The following XYLT2 variants were observed in gnomAD, a reference collection of about 807,000 sequenced individuals.
XYLT2 encodes UDP-D-xylose:proteoglycan core protein beta-D-xylosyltransferase.
In XYLT2, 37 loss-of-function variants were observed where a neutral mutation model predicts 82.6. That is an observed-to-expected ratio of 0.45 (90% CI 0.34 to 0.59). XYLT2 has a LOEUF of 0.59. Among genes scored for constraint, XYLT2 ranks in the 20% least tolerant of loss-of-function variants. The pLI is 0.01. For synonymous variants in XYLT2, 474 were observed against 499.0 expected, an observed-to-expected ratio of 0.95 and a Z score of 0.67; for missense variants, 934 against 1,181.3, an observed-to-expected ratio of 0.79 and a Z score of 3.07.
At position 50,360,441 on chromosome 17, in the gene XYLT2, A is replaced by G; in HGVS notation, c.*150A>G. 1 of 1,427,790 alleles carries G rather than the reference A, an allele frequency of 7.0e-7. No individual in the cohort carries two copies. Among genetic ancestry groups the G allele is most frequent in the Non-Finnish European group, 9.1e-7 (1 of 1,094,938 alleles). The allele number at this position is 1,427,790 out of a possible 1,614,324, so 88.4% of individuals were successfully genotyped here. A position where few individuals can be genotyped will look rare whatever the true frequency, so the allele number is the denominator to read the frequency against. On this transcript the variant is annotated 3_prime_UTR_variant, in exon 11 of 11. Transcript: ENST00000017003. ...CCCACACAGACGGCAGGGAAGGTGG[A>G]CACAGTATGAACTACTGCTGATGTC...
Position 50,346,520 on chromosome 17 carries a change from G to T in XYLT2, c.135+245G>T, listed in dbSNP as rs1912049535. 1 of 877,170 alleles carries T rather than the reference G, an allele frequency of 1.1e-6. No homozygotes were observed. The highest frequency in any genetic ancestry group is 1.8e-5 in the African/African-American group (1 of 55,336). 54.3% of individuals were successfully genotyped at this position (877,170 alleles called of 1,614,324 possible). A position where few individuals can be genotyped will look rare whatever the true frequency, so the allele number is the denominator to read the frequency against. On this transcript the variant is annotated intron_variant, in intron 1 of 10. Coordinates refer to ENST00000017003, the MANE Select transcript of XYLT2 (RefSeq NM_022167.4). This position sits in a 1 kb window ranked among gnomAD's most constrained non-coding sequence, Gnocchi z 5.1. ...GGCCCTGGTGGATTGGGAGTCGGGC[G>T]GGGGGAGCAGGTCATGCTAGGGTGG...
intron 9 of XYLT2, 133 bp downstream of exon 9, chr17:50,357,385 C>A: frequency 1.1e-6 from 1 of 892,930 alleles, no homozygotes; most frequent in Non-Finnish European, 1.6e-6. Context: ...TGCCCCCATG[C>A]AGACATCCTG....
At chr17:50,354,174 A>G (rs1394336113) in intron 2 of XYLT2, 52 bp downstream of exon 2, 2 of 1,595,982 alleles carry the variant, frequency 1.3e-6, no homozygotes, top group Non-Finnish European at 1.7e-6. Flanking sequence ...GGGGGGTGGC[A>G]TGGCCCGGAT....
intron 1 of XYLT2, among the ~76,000 whole-genome samples, chr17:50,349,754 G>A (rs1045067339): frequency 1.3e-5 from 2 of 152,128 alleles, no homozygotes; most frequent in Admixed American, 1.3e-4. Flanking sequence ...TGGGTAGGTT[G>A]GGGGAAGTCC....
rs768635897 is a variant in XYLT2, at chr17:50,357,267, C to T, written c.1941+15C>T. 1 of 1,558,072 alleles carries T rather than the reference C, an allele frequency of 6.4e-7. No individual in the cohort carries two copies. Among genetic ancestry groups the T allele is most frequent in the Non-Finnish European group, 8.7e-7 (1 of 1,154,750 alleles). ...AGAGTCTGGAGGTGGGACAGGTCCC[C>T]CACTTGCTTTCTCCCAACCCCCACC... is the stretch of plus-strand genomic sequence containing the variant. On this transcript the variant is annotated intron_variant, in intron 9 of 10. Coordinates refer to ENST00000017003, the MANE Select transcript of XYLT2 (RefSeq NM_022167.4).
In XYLT2 at chr17:50,346,797, G is replaced by A. The variant is rs1912062484; in HGVS notation, c.135+522G>A. 1.0e-6 allele frequency: 1 copy of A among 985,394 alleles called. No individual in the cohort carries two copies. 61.0% of individuals were successfully genotyped at this position (985,394 alleles called of 1,614,324 possible). A position where few individuals can be genotyped will look rare whatever the true frequency, so the allele number is the denominator to read the frequency against. On this transcript the variant is annotated intron_variant, in intron 1 of 10. Transcript: ENST00000017003. The surrounding 1 kb of genome is among the most constrained non-coding windows in gnomAD (Gnocchi z 5.1). ...GTGGAATTCAGGCCTGGGACAAAGT[G>A]TGTACCCGGGAACTGAAGGAACAGG...
rs1257533775 is a variant in XYLT2 at position 50,346,588 on chromosome 17, G to T, written c.135+313G>T. ...GATGAAGGTCAGGCGCGGCGAGCGGGGCTGGGAGGCGGGGCTGGGCCCGAA... is the reference window on the plus strand; with the variant it reads ...GATGAAGGTCAGGCGCGGCGAGCGGTGCTGGGAGGCGGGGCTGGGCCCGAA... On this transcript the variant is annotated intron_variant, in intron 1 of 10. Coordinates refer to ENST00000017003, the MANE Select transcript of XYLT2 (RefSeq NM_022167.4). This position sits in a 1 kb window ranked among gnomAD's most constrained non-coding sequence, Gnocchi z 5.1. The T allele has an allele frequency of 1.0e-6, 1 of 983,536 alleles. No individual in the cohort carries two copies. Among genetic ancestry groups the T allele is most frequent in the African/African-American group, 1.7e-5 (1 of 57,234 alleles). The allele number at this position is 983,536 out of a possible 1,614,324, so 60.9% of individuals were successfully genotyped here.
chr17:50,353,671 G>C lies in XYLT2; in HGVS notation c.177G>C (p.Glu59Asp). ...AGCCACGGCCACTGGACCCTGGCGAGGGTTCCAAGGACACAGACAGTTCAG... is the reference window on the plus strand; with the variant it reads ...AGCCACGGCCACTGGACCCTGGCGACGGTTCCAAGGACACAGACAGTTCAG... ...QRKPRPLDPGEGSKDTDSSAG... is the reference protein window; with the variant it reads ...QRKPRPLDPGDGSKDTDSSAG... Residue 59 changes from glutamate to aspartate, a missense_variant, in exon 2 of 11, where the codon GAG becomes GAC. Transcript: ENST00000017003. The C allele has an allele frequency of 6.4e-7, 1 of 1,566,558 alleles. No homozygotes were observed. Among genetic ancestry groups the C allele is most frequent in the Non-Finnish European group, 8.7e-7 (1 of 1,154,598 alleles).
Position 50,355,532 on chromosome 17 carries a change from A to C in XYLT2, c.1039A>C (p.Lys347Gln), listed in dbSNP as rs769191195. 5 of 1,614,148 alleles carry C rather than the reference A, an allele frequency of 3.1e-6. No individual in the cohort carries two copies. In the South Asian group the frequency reaches 5.5e-5, roughly 18 times the overall value. ...TNEELVAFLSKNRDKNFLKSH... is the reference protein window; with the variant it reads ...TNEELVAFLSQNRDKNFLKSH... ...TGAGGAGCTGGTGGCATTCCTATCC[A>C]AGAACCGGGACAAGAATTTCCTCAA... Residue 347 changes from lysine to glutamine, a missense_variant, in exon 5 of 11, where the codon AAG becomes CAG. Lys to Gln is a moderately conservative substitution (Grantham distance 53). This residue lies in a region of XYLT2 where 189 missense variants were observed against 320.8 expected (regional missense o/e 0.59). Coordinates refer to ENST00000017003, the MANE Select transcript of XYLT2 (RefSeq NM_022167.4).
chr17:50,357,243 G>C lies in XYLT2; in HGVS notation c.1932G>C (p.Gln644His). The change falls in exon 9 of 11, where the codon CAG (glutamine) becomes CAC (histidine). Residue 644 changes from glutamine to histidine, a missense_variant. Coordinates refer to ENST00000017003, the MANE Select transcript of XYLT2 (RefSeq NM_022167.4). ...GCAGTGACCAGGCCAGCCGGCTCCA[G>C]AGTCTGGAGGTGGGACAGGTCCCCC... is the stretch of plus-strand genomic sequence containing the variant. ...LGRSDQASRL[Q>H]SLEVGTDWDP... 2 of 1,590,764 alleles carry C rather than the reference G, an allele frequency of 1.3e-6. No individual in the cohort carries two copies. Among genetic ancestry groups the C allele is most frequent in the Non-Finnish European group, 8.5e-7 (1 of 1,170,886 alleles).
chr17:50,358,475 C>T lies in XYLT2; in HGVS notation c.2210C>T (p.Pro737Leu), dbSNP rs747214258. The T allele has an allele frequency of 8.1e-6, 13 of 1,614,210 alleles. No homozygotes were observed. Among genetic ancestry groups the T allele is most frequent in the East Asian group, 2.2e-5 (1 of 44,886 alleles). The stretch of plus-strand genomic sequence containing the variant: ...GTTCGACTCCTTCAGTTCTGGGAAC[C>T]GCTGGGTGAGACCCGCTTCCTTGTG... Reference protein sequence around the residue: ...WTVRLLQFWEPLGETRFLVLP... With the variant: ...WTVRLLQFWELLGETRFLVLP... Residue 737 changes from proline (P) to leucine (L), a missense_variant, in exon 10 of 11, where the codon CCG becomes CTG. Physicochemically the swap from Pro to Leu is moderately conservative, Grantham distance 98. Transcript: ENST00000017003.
chr17:50,360,472 T>C lies in XYLT2; in HGVS notation c.*181T>C. ...TATGAACTACTGCTGATGTCTCTGT[T>C]GGGGATCAGAGGGCTGGCGGGAACG... On this transcript the variant is annotated 3_prime_UTR_variant, in exon 11 of 11. Coordinates refer to ENST00000017003, the MANE Select transcript of XYLT2 (RefSeq NM_022167.4). 7.4e-7 allele frequency: 1 copy of C among 1,345,976 alleles called. No individual in the cohort carries two copies. The highest frequency in any genetic ancestry group is 9.5e-7 in the Non-Finnish European group (1 of 1,052,430). 83.4% of individuals were successfully genotyped at this position (1,345,976 alleles called of 1,614,324 possible). A position where few individuals can be genotyped will look rare whatever the true frequency, so the allele number is the denominator to read the frequency against.
At chr17:50,356,867 C>A in intron 8 of XYLT2, 94 bp downstream of exon 8, 1 of 1,514,478 alleles carries the variant, frequency 6.6e-7, no homozygotes, top group South Asian at 1.3e-5. Context: ...CACAACAAGG[C>A]CCCAGTCTGA....
rs952750226 is a variant in XYLT2, at chr17:50,361,120, T to C, written c.*829T>C. The C allele has an allele frequency of 9.1e-6, 9 of 985,802 alleles. No homozygotes were observed. The African/African-American group carries it at 1.0e-4, about 11-fold the overall frequency. 61.1% of individuals were successfully genotyped at this position (985,802 alleles called of 1,614,324 possible). A position where few individuals can be genotyped will look rare whatever the true frequency, so the allele number is the denominator to read the frequency against. On this transcript the variant is annotated 3_prime_UTR_variant, in exon 11 of 11. Coordinates refer to ENST00000017003, the MANE Select transcript of XYLT2 (RefSeq NM_022167.4). ...GAAGCTCAGCGTGAAGTCTGAAATA[T>C]GCAACAGAAGAAATATATCTCTATC...
rs749023910 is a variant in XYLT2 at position 50,360,236 on chromosome 17, C to T, written c.2543C>T (p.Ser848Phe). 3.7e-6 allele frequency: 6 copies of T among 1,613,076 alleles called. No individual in the cohort carries two copies. Among genetic ancestry groups the T allele is most frequent in the Non-Finnish European group, 5.1e-6 (6 of 1,179,494 alleles). The change falls in exon 11 of 11, where the codon TCC becomes TTC. Residue 848 changes from serine to phenylalanine, a missense_variant. By Grantham distance (155) the Ser-to-Phe change is radical. This residue lies in a region of XYLT2 where 374 missense variants were observed against 465.6 expected (regional missense o/e 0.80). Transcript: ENST00000017003. ...AGACTGACCAGCTGGAGCTCTCTGTCCCCCGACCCCAAATCAGAGCTGGGG... is the reference window on the plus strand; with the variant it reads ...AGACTGACCAGCTGGAGCTCTCTGTTCCCCGACCCCAAATCAGAGCTGGGG... Reference protein sequence around the residue: ...PCRLTSWSSLSPDPKSELGPV... With the variant: ...PCRLTSWSSLFPDPKSELGPV...
chr17:50,361,066 T>G lies in XYLT2; in HGVS notation c.*775T>G, dbSNP rs1049939644. 2 of 985,780 alleles carry G rather than the reference T, an allele frequency of 2.0e-6. No individual in the cohort carries two copies. The highest frequency in any genetic ancestry group is 2.4e-6 in the Non-Finnish European group (2 of 829,966). 61.1% of individuals were successfully genotyped at this position (985,780 alleles called of 1,614,324 possible). A position where few individuals can be genotyped will look rare whatever the true frequency, so the allele number is the denominator to read the frequency against. On this transcript the variant is annotated 3_prime_UTR_variant, in exon 11 of 11. Coordinates refer to ENST00000017003, the MANE Select transcript of XYLT2 (RefSeq NM_022167.4). ...CGTGGGAAGAAGACTCTGTCAAGACTCTCAGAAGAACCTGGAGTAATTGTG... is the reference window on the plus strand; with the variant it reads ...CGTGGGAAGAAGACTCTGTCAAGACGCTCAGAAGAACCTGGAGTAATTGTG...
At chr17:50,354,796 G>C (rs1912440007) in intron 3 of XYLT2, 58 bp from the exon 4 acceptor site, 1 of 1,601,060 alleles carries the variant, frequency 6.2e-7, no homozygotes, top group South Asian at 1.1e-5. Flanking sequence ...TCTGTCCTGG[G>C]GTGGGATTGG....
chr17:50,348,130 T>C (rs748409086), intron 1 of XYLT2, among the ~76,000 whole-genome samples: 2 of 151,224 alleles, frequency 1.3e-5, no homozygotes, highest in Non-Finnish European at 3.0e-5. Context: ...ATTCCACAAA[T>C]AGGTGTGAAG....
At position 50,356,684 on chromosome 17, in the gene XYLT2, T is replaced by C; in HGVS notation, c.1656T>C (p.Asp552=). The stretch of plus-strand genomic sequence containing the variant: ...CTGATGGCCCCAGTGGGCTCAGTGA[T>C]GTCATGCTCACTGCTTACACAGCCT... ...DAADGPSGLS[D]VMLTAYTAFA... is the part of the protein sequence containing the mutation. Residue 552 remains aspartate, a synonymous_variant, in exon 8 of 11, where the codon GAT becomes GAC. Coordinates refer to ENST00000017003, the MANE Select transcript of XYLT2 (RefSeq NM_022167.4). 6.2e-7 allele frequency: 1 copy of C among 1,613,158 alleles called. No homozygotes were observed. The highest frequency in any genetic ancestry group is 8.5e-7 in the Non-Finnish European group (1 of 1,179,984).
Sources: allele counts gnomAD v4.1 joint callset (sites outside exome capture counted in the v4.1 genomes callset), GRCh38; gene constraint gnomAD v4.1.1; regional missense constraint gnomAD v4.1.1; non-coding constraint Gnocchi (gnomAD v3.1); transcripts MANE v1.5; gene names NCBI Gene and HGNC (gene_info 2026-07-23, HGNC 2026-07-21).